Variants in PCDHA2 observed in about 807,000 individuals in gnomAD.
The protein encoded by PCDHA2 is protocadherin alpha 2, also known as protocadherin alpha-2.
A neutral mutation model predicts 66.0 loss-of-function variants in PCDHA2; 58 were observed. The observed-to-expected ratio is 0.88, with a 90% CI of 0.71 to 1.09. The LOEUF (loss-of-function observed/expected upper bound fraction) is 1.09. Ranked by LOEUF, PCDHA2 falls within the 50% of genes least tolerant of loss-of-function variation. The probability of loss-of-function intolerance (pLI) is 0.00; values close to 1 mark genes in which losing one functional copy is unlikely to be tolerated. For synonymous variants in PCDHA2, 634 were observed against 554.0 expected (o/e 1.14, Z -2.03); for missense variants, 1,267 against 1,242.3 (o/e 1.02, Z -0.30).
intron 1 of PCDHA2, chr5:140,927,048 G>C: frequency 6.2e-7 from 1 of 1,612,122 alleles, no homozygotes; most frequent in Non-Finnish European, 8.5e-7. Flanking sequence ...CTATGTCCTC[G>C]CGGAACTTTC....
intron 3 of PCDHA2, among the ~76,000 whole-genome samples, chr5:140,994,342 T>C (rs571225967): frequency 1.3e-5 from 2 of 152,288 alleles, no homozygotes; most frequent in South Asian, 4.1e-4. Flanking sequence ...ACAGTGGATG[T>C]TGTGGGACCT....
At chr5:140,909,866 A>G (rs1203006388) in intron 1 of PCDHA2, among the ~76,000 whole-genome samples, 2 of 152,212 alleles carry the variant, frequency 1.3e-5, no homozygotes, top group African/African-American at 2.4e-5. Context: ...CCTGGAGTCA[A>G]CGTCAGCTTA....
At position 140,841,739 on chromosome 5, in the gene PCDHA2, C is replaced by A. The variant is rs2150321877; in HGVS notation, c.2388+44387C>A. The A allele has an allele frequency of 3.7e-6, 6 of 1,613,880 alleles. No homozygotes were observed. In the South Asian group the frequency reaches 6.6e-5, roughly 18 times the overall value. On this transcript the variant is annotated intron_variant, in intron 1 of 3. Coordinates refer to ENST00000526136, the MANE Select transcript of PCDHA2 (RefSeq NM_018905.3). ...AGTGTTCCGGGTAAAAGACCAAAAG[C>A]TGTTTGTTTCAGAATCCAGAATGCC...
At chr5:140,842,748 C>A in intron 1 of PCDHA2, 1 of 1,595,020 alleles carries the variant, frequency 6.3e-7, no homozygotes, top group Non-Finnish European at 8.6e-7. Flanking sequence ...CACATCTTCA[C>A]GGTGTCTGCG....
intron 1 of PCDHA2, chr5:140,875,175 T>G (rs1301346750): frequency 5.0e-6 from 2 of 399,086 alleles, no homozygotes; most frequent in African/African-American, 4.1e-5. Context: ...GTCGAAACAT[T>G]AGAATTAAGA....
At chr5:140,801,703 C>CT (rs782435418) in intron 1 of PCDHA2, 36 of 1,614,022 alleles carry the variant, frequency 2.2e-5, no homozygotes, top group Middle Eastern at 1.6e-4. Context: ...TCGTTGTTGA[C>CT]TTACAGTCTT....
At chr5:140,882,137 A>G in intron 1 of PCDHA2, 1 of 1,489,212 alleles carries the variant, frequency 6.7e-7, no homozygotes. Flanking sequence ...CCTGCAGAAA[A>G]TATAGCAGAA....
chr5:140,988,363 C>T (rs782342714), intron 3 of PCDHA2, among the ~76,000 whole-genome samples: 25 of 152,132 alleles, frequency 1.6e-4, no homozygotes, highest in Admixed American at 4.6e-4. Context: ...CTTTTACTTT[C>T]TGGGGTTGTG....
At chr5:140,877,177 C>A (rs1554169414) in intron 1 of PCDHA2, 1 of 1,613,802 alleles carries the variant, frequency 6.2e-7, no homozygotes. Context: ...GCTGGCGACT[C>A]CGGCTGGCAG....
chr5:140,906,192 C>G (rs2072444836), intron 1 of PCDHA2, among the ~76,000 whole-genome samples: 1 of 152,182 alleles, frequency 6.6e-6, no homozygotes, highest in Non-Finnish European at 1.5e-5. Context: ...TCAATCCAAT[C>G]AAGTTGACAC....
intron 1 of PCDHA2, chr5:140,966,441 C>A (rs2096002534): frequency 4.7e-6 from 2 of 424,804 alleles, no homozygotes; most frequent in South Asian, 1.8e-4. Context: ...CTACCGCTCC[C>A]TTTCCCCCTC....
intron 1 of PCDHA2, chr5:140,853,980 G>A: frequency 1.8e-6 from 1 of 544,346 alleles, no homozygotes; most frequent in Non-Finnish European, 2.4e-6. Flanking sequence ...TGAGACCAAT[G>A]TAGTGAGACT....
At chr5:140,835,493 A>G in intron 1 of PCDHA2, 1 of 1,613,914 alleles carries the variant, frequency 6.2e-7, no homozygotes, top group Admixed American at 1.7e-5. Context: ...CCGTCATCAC[A>G]TTGATTAGCG....
chr5:140,844,595 A>G (rs2150372413), intron 1 of PCDHA2, among the ~76,000 whole-genome samples: 1 of 149,668 alleles, frequency 6.7e-6, no homozygotes, highest in East Asian at 1.9e-4. Flanking sequence ...GATATTTAAT[A>G]TATGACTTAG....
At chr5:140,873,204 T>TAAAAG (rs2054159059) in intron 1 of PCDHA2, among the ~76,000 whole-genome samples, 1 of 152,168 alleles carries the variant, frequency 6.6e-6, no homozygotes, top group Non-Finnish European at 1.5e-5. Flanking sequence ...AAAACATTCT[T>TAAAAG]TAAGTATTAA....
chr5:140,870,554 A>G (rs1554164402), intron 1 of PCDHA2: 1 of 1,614,044 alleles, frequency 6.2e-7, no homozygotes, highest in Non-Finnish European at 8.5e-7. Flanking sequence ...GCGGACGCGC[A>G]GGAGAACGCG....
intron 1 of PCDHA2, among the ~76,000 whole-genome samples, chr5:140,839,389 GAT>G (rs2150297251): frequency 1.3e-5 from 2 of 151,658 alleles, no homozygotes; most frequent in African/African-American, 4.9e-5. Flanking sequence ...TTATGATGAT[GAT>G]GATGATTATT....
chr5:140,956,259 A>G (rs534711265), intron 1 of PCDHA2, among the ~76,000 whole-genome samples: 1 of 152,252 alleles, frequency 6.6e-6, no homozygotes, highest in African/African-American at 2.4e-5. Flanking sequence ...GGTTTTGCCC[A>G]TTCAGTGTGG....
At chr5:140,808,569 C>T in intron 1 of PCDHA2, 1 of 1,614,078 alleles carries the variant, frequency 6.2e-7, no homozygotes, top group South Asian at 1.1e-5. Context: ...CCCGAGTACA[C>T]AGTGTTCGTG....
Sources: gnomAD v4.1 joint callset for allele counts (sites outside exome capture counted in the v4.1 genomes callset) on GRCh38, gnomAD v4.1.1 for gene constraint, MANE v1.5 for transcripts, NCBI Gene and HGNC (gene_info 2026-07-23, HGNC 2026-07-21) for gene names.